The following KANK4 variants were observed in gnomAD, a reference collection of about 807,000 sequenced individuals.
KANK4 encodes KN motif and ankyrin repeat domain-containing protein 4.
A neutral mutation model predicts 80.8 loss-of-function variants in KANK4; 50 were observed. The observed-to-expected ratio is 0.62, with a 90% CI of 0.49 to 0.78. The LOEUF (loss-of-function observed/expected upper bound fraction) is 0.78. Ranked by LOEUF, KANK4 falls within the 30% of genes least tolerant of loss-of-function variation. The probability of loss-of-function intolerance (pLI) is 0.00; values close to 1 mark genes in which losing one functional copy is unlikely to be tolerated. For missense variants in KANK4, 1,196 were observed against 1,240.1 expected (o/e 0.96, Z 0.53); for synonymous variants, 465 against 506.9 (o/e 0.92, Z 1.11).
chr1:62,263,906 C>T (rs1022310792), intron 6 of KANK4, among the ~76,000 whole-genome samples: 1 of 152,130 alleles, frequency 6.6e-6, no homozygotes, highest in African/African-American at 2.4e-5. Context: ...ACGGCAGGAC[C>T]CTGCTATCTG....
intron 1 of KANK4, among the ~76,000 whole-genome samples, chr1:62,315,093 T>C (rs1250500971): frequency 6.6e-6 from 1 of 152,172 alleles, no homozygotes; most frequent in Non-Finnish European, 1.5e-5. Context: ...CTGCAGGCTG[T>C]TCACAGAAAG....
At chr1:62,311,444 T>C (rs1160559483) in intron 1 of KANK4, among the ~76,000 whole-genome samples, 1 of 152,126 alleles carries the variant, frequency 6.6e-6, no homozygotes, top group East Asian at 1.9e-4. Context: ...TAAATATTGC[T>C]CCAGTAGACG....
intron 2 of KANK4, among the ~76,000 whole-genome samples, chr1:62,278,258 G>T: frequency 6.6e-6 from 1 of 152,032 alleles, no homozygotes; most frequent in Non-Finnish European, 1.5e-5. Context: ...CAAGGTAATG[G>T]AGGGAAAGGG....
intron 9 of KANK4, among the ~76,000 whole-genome samples, chr1:62,243,640 G>T (rs11207945): frequency 0.24 from 35,810 of 152,068 alleles, 5,053 homozygotes; most frequent in Non-Finnish European, 0.31. Context: ...GGCCTGGATG[G>T]ATAATTGTTA....
chr1:62,276,425 T>C (rs1672315780), intron 2 of KANK4, among the ~76,000 whole-genome samples: 2 of 152,282 alleles, frequency 1.3e-5, no homozygotes, highest in East Asian at 1.9e-4. Flanking sequence ...GGAAGTTACT[T>C]AGCCTTCCTA....
At chr1:62,300,721 G>A (rs1571042129) in intron 1 of KANK4, among the ~76,000 whole-genome samples, 1 of 151,990 alleles carries the variant, frequency 6.6e-6, no homozygotes, top group Admixed American at 6.5e-5. Context: ...TTCTTAAGCA[G>A]GGAGGAACAA....
chr1:62,245,442 TAGTTTAA>T (rs771979573), intron 9 of KANK4, among the ~76,000 whole-genome samples: 169 of 152,240 alleles, frequency 1.1e-3, no homozygotes, highest in Non-Finnish European at 1.5e-4. Flanking sequence ...AATCTTTGGG[TAGTTTAA>T]ATGTGGCCCA....
chr1:62,253,062 C>G lies in KANK4; in HGVS notation c.2682+5G>C, dbSNP rs1671659694. On this transcript the variant is annotated splice_donor_5th_base_variant and intron_variant, in intron 8 of 9. Transcript: ENST00000371153. ...TGAAGAGGAGATCCTGTTCATTCCA[C>G]CCACCTGAGTAGCTTGAATGTTCAC... The G allele has an allele frequency of 6.2e-7, 1 of 1,613,298 alleles. No homozygotes were observed. Among genetic ancestry groups the G allele is most frequent in the Non-Finnish European group, 8.5e-7 (1 of 1,179,818 alleles).
Position 62,274,690 on chromosome 1 carries a change from T to A in KANK4, c.414A>T (p.Arg138Ser). ...CCTCTGGCTCAGCAGCTTCCAACTG[T>A]CTGGTGGCCTCTGCCAACAGAGCCT... ...HRKALLAEATRQLEAAEPEDA... is the reference protein window; with the variant it reads ...HRKALLAEATSQLEAAEPEDA... Residue 138 changes from arginine to serine, a missense_variant, in exon 3 of 10, where the codon AGA becomes AGT. Transcript: ENST00000371153. The A allele has an allele frequency of 6.2e-7, 1 of 1,614,148 alleles. No homozygotes were observed. Among genetic ancestry groups the A allele is most frequent in the Non-Finnish European group, 8.5e-7 (1 of 1,180,020 alleles).
At chr1:62,256,919 C>T (rs892337159) in intron 7 of KANK4, among the ~76,000 whole-genome samples, 5 of 152,146 alleles carry the variant, frequency 3.3e-5, no homozygotes, top group African/African-American at 9.7e-5. Context: ...TTTATTTCTA[C>T]ACCTTGATTA....
At position 62,242,975 on chromosome 1, in the gene KANK4, C is replaced by T. The variant is rs1005925258; in HGVS notation, c.2883+4497G>A. Among the ~76,000 whole-genome samples, 3 of 152,164 alleles carry T rather than the reference C, an allele frequency of 2.0e-5. No individual in the cohort carries two copies. The East Asian group carries it at 5.8e-4, about 29-fold the overall frequency. On this transcript the variant is annotated intron_variant, in intron 9 of 9. Coordinates refer to ENST00000371153, the MANE Select transcript of KANK4 (RefSeq NM_181712.5). Reference sequence around the variant, plus strand: ...CCCCAAAGTCACCCTTGGGAATCTGCATGTGAATCAACCCTGACCCAGGTG... The same window carrying T: ...CCCCAAAGTCACCCTTGGGAATCTGTATGTGAATCAACCCTGACCCAGGTG...
intron 8 of KANK4, among the ~76,000 whole-genome samples, chr1:62,252,249 C>G (rs1222544161): frequency 6.6e-6 from 1 of 152,204 alleles, no homozygotes; most frequent in African/African-American, 2.4e-5. Flanking sequence ...GTGGAGCCCA[C>G]GTGTCCTGAA....
chr1:62,249,923 T>C (rs1300654741), intron 8 of KANK4, among the ~76,000 whole-genome samples: 1 of 152,144 alleles, frequency 6.6e-6, no homozygotes, highest in Non-Finnish European at 1.5e-5. Flanking sequence ...TCCACCCACC[T>C]TGGCCTCTCA....
At chr1:62,280,186 G>T (rs553751881) in intron 2 of KANK4, among the ~76,000 whole-genome samples, 12 of 152,262 alleles carry the variant, frequency 7.9e-5, no homozygotes, top group Admixed American at 7.8e-4. Context: ...AGAAAGAAGG[G>T]GAGTAAAATG....
chr1:62,244,831 C>T (rs887816744), intron 9 of KANK4, among the ~76,000 whole-genome samples: 1 of 152,182 alleles, frequency 6.6e-6, no homozygotes, highest in Non-Finnish European at 1.5e-5. Context: ...GTTGGGATTA[C>T]AGGCAGAAGC....
At chr1:62,310,745 C>T (rs954304034) in intron 1 of KANK4, among the ~76,000 whole-genome samples, 1 of 152,110 alleles carries the variant, frequency 6.6e-6, no homozygotes, top group Admixed American at 6.5e-5. Context: ...AAAGAGCTCA[C>T]CTGAGAAGAT....
At chr1:62,299,106 G>A (rs911386666) in intron 1 of KANK4, among the ~76,000 whole-genome samples, 1 of 151,996 alleles carries the variant, frequency 6.6e-6, no homozygotes, top group South Asian at 2.1e-4. Flanking sequence ...CGGAGTGCTG[G>A]ATTACAGTGG....
rs979279528 is a variant in KANK4, at chr1:62,268,497, G to A, written c.2021C>T (p.Thr674Ile). The change falls in exon 5 of 10, where the codon ACC (threonine) becomes ATC (isoleucine). Residue 674 changes from threonine (T) to isoleucine (I), a missense_variant. Thr to Ile is a moderately conservative substitution (Grantham distance 89). Transcript: ENST00000371153. ...ACCGCTGGTCTCCTCACTTGAGGTG[G>A]TCTCATACCTGGGGTAGAAAACAAA... ...QFVGVNGGYE[T>I]TSSEETSGED... 7.4e-6 allele frequency: 12 copies of A among 1,613,040 alleles called. No homozygotes were observed. In the Admixed American group the frequency reaches 8.3e-5, roughly 11 times the overall value.
At position 62,273,312 on chromosome 1, in the gene KANK4, T is replaced by C; in HGVS notation, c.1792A>G (p.Ser598Gly). The part of the protein sequence containing the change: ...AIKQPASKLS[S>G]IQSQLLSSLN... Reference sequence around the variant, plus strand: ...GAGCTCAGCAGCTGGCTCTGGATGCTGCTGAGCTTGGAGGCTGGCTGCTTG... The same window carrying C: ...GAGCTCAGCAGCTGGCTCTGGATGCCGCTGAGCTTGGAGGCTGGCTGCTTG... Residue 598 changes from serine to glycine, a missense_variant, in exon 3 of 10, where the codon AGC (serine) becomes GGC (glycine). By Grantham distance (56) the Ser-to-Gly change is moderately conservative. This residue lies in a region of KANK4 where 1,154 missense variants were observed against 1,179.6 expected (regional missense o/e 0.98). Coordinates refer to ENST00000371153, the MANE Select transcript of KANK4 (RefSeq NM_181712.5). The C allele has an allele frequency of 6.2e-7, 1 of 1,605,988 alleles. No homozygotes were observed. Among genetic ancestry groups the C allele is most frequent in the African/African-American group, 1.3e-5 (1 of 74,922 alleles).
Sources: gnomAD v4.1 joint callset for allele counts (sites outside exome capture counted in the v4.1 genomes callset) on GRCh38, gnomAD v4.1.1 for gene constraint, gnomAD v4.1.1 regional missense constraint, MANE v1.5 for transcripts, NCBI Gene and HGNC (gene_info 2026-07-23, HGNC 2026-07-21) for gene names.